MAST4: variants seen among roughly 807,000 people sequenced by gnomAD.
MAST4 encodes microtubule associated serine/threonine kinase family member 4.
Under a neutral mutation model 162.7 loss-of-function variants are expected in MAST4, and 89 were observed. The observed-to-expected ratio is 0.55, with a 90% CI of 0.46 to 0.65. The LOEUF (loss-of-function observed/expected upper bound fraction) is 0.65, where lower values mean the gene tolerates loss of function less well. MAST4 is among the 30% of genes least tolerant of loss of function. The pLI is 0.00. For missense variants in MAST4, 3,153 were observed against 3,374.0 expected (o/e 0.93, Z 1.62); for synonymous variants, 1,479 against 1,361.1 (o/e 1.09, Z -1.91).
chr5:66,630,676 T>A (rs1744738595), intron 1 of MAST4, among the ~76,000 whole-genome samples: 1 of 152,200 alleles, frequency 6.6e-6, no homozygotes, highest in Non-Finnish European at 1.5e-5. Context: ...ACAGTATGTA[T>A]AGTTAAACTT....
At chr5:67,075,081 C>G (rs1033876572) in intron 5 of MAST4, among the ~76,000 whole-genome samples, 17 of 151,534 alleles carry the variant, frequency 1.1e-4, no homozygotes, top group African/African-American at 3.9e-4. Context: ...GCATATGCTA[C>G]TATCTTTTAC....
chr5:67,047,918 G>A (rs1757576537), intron 4 of MAST4, among the ~76,000 whole-genome samples: 1 of 152,132 alleles, frequency 6.6e-6, no homozygotes, highest in Non-Finnish European at 1.5e-5. Context: ...CAGAAAAAGT[G>A]GTGGAGATGT....
At chr5:67,131,744 G>A in intron 15 of MAST4, 69 bp from the exon 16 acceptor site, 2 of 1,506,888 alleles carry the variant, frequency 1.3e-6, no homozygotes, top group Non-Finnish European at 1.8e-6. Context: ...TTGAAATTCT[G>A]CAGTCTAAAC....
intron 4 of MAST4, among the ~76,000 whole-genome samples, chr5:66,935,997 G>A (rs778641534): frequency 7.9e-5 from 12 of 152,022 alleles, no homozygotes; most frequent in Non-Finnish European, 1.3e-4. Context: ...GTCAGGTTGT[G>A]GTGTCTCCAT....
At chr5:66,682,864 C>A (rs1304176933) in intron 1 of MAST4, among the ~76,000 whole-genome samples, 1 of 152,224 alleles carries the variant, frequency 6.6e-6, no homozygotes, top group Non-Finnish European at 1.5e-5. Context: ...TGCCACTGCA[C>A]CCCGCTTCAT....
chr5:66,758,818 C>T (rs944078184), intron 1 of MAST4, among the ~76,000 whole-genome samples: 1 of 151,774 alleles, frequency 6.6e-6, no homozygotes, highest in Non-Finnish European at 1.5e-5. Flanking sequence ...TAAATTTCTA[C>T]AGAGTTAACC....
chr5:66,678,198 TA>T (rs2149481257), intron 1 of MAST4, among the ~76,000 whole-genome samples: 1 of 151,908 alleles, frequency 6.6e-6, no homozygotes, highest in Admixed American at 6.5e-5. Flanking sequence ...TCGTGGAATC[TA>T]AAAAAGTTGA....
intron 3 of MAST4, chr5:66,870,650 A>G: frequency 2.8e-6 from 1 of 363,378 alleles, no homozygotes; most frequent in Non-Finnish European, 5.6e-6. Context: ...ATTGATGTTT[A>G]GCTAAAACAA....
intron 3 of MAST4, among the ~76,000 whole-genome samples, chr5:66,803,634 A>T (rs1178432599): frequency 1.3e-5 from 2 of 152,054 alleles, no homozygotes; most frequent in Admixed American, 6.5e-5. Flanking sequence ...AAAAATAAAC[A>T]TTTCTAGCTG....
At chr5:66,848,339 C>T (rs1362906579) in intron 3 of MAST4, among the ~76,000 whole-genome samples, 1 of 152,060 alleles carries the variant, frequency 6.6e-6, no homozygotes, top group Non-Finnish European at 1.5e-5. Flanking sequence ...ATAAGGAATG[C>T]AAATTTATTT....
At chr5:67,151,772 T>TC (rs1771856192) in intron 24 of MAST4, among the ~76,000 whole-genome samples, 2 of 131,518 alleles carry the variant, frequency 1.5e-5, no homozygotes, top group Non-Finnish European at 3.1e-5. Flanking sequence ...TTTTTCTTTT[T>TC]TTTTTTTTTT....
At chr5:66,877,757 A>G (rs1761404254) in intron 3 of MAST4, among the ~76,000 whole-genome samples, 1 of 152,238 alleles carries the variant, frequency 6.6e-6, no homozygotes, top group Non-Finnish European at 1.5e-5. Context: ...AACAAGATCA[A>G]GCAACACAGA....
chr5:66,725,646 G>A (rs925104004), intron 1 of MAST4, among the ~76,000 whole-genome samples: 5 of 152,114 alleles, frequency 3.3e-5, no homozygotes, highest in African/African-American at 1.2e-4. Context: ...TAACATTTCT[G>A]ATATCTTTTG....
At chr5:66,694,701 G>T (rs768378062) in intron 1 of MAST4, among the ~76,000 whole-genome samples, 1 of 152,076 alleles carries the variant, frequency 6.6e-6, no homozygotes, top group Non-Finnish European at 1.5e-5. Context: ...TGGGCAGGCT[G>T]GTCTTGAACT....
intron 1 of MAST4, among the ~76,000 whole-genome samples, chr5:66,708,050 C>T (rs900551685): frequency 6.6e-6 from 1 of 152,168 alleles, no homozygotes; most frequent in Non-Finnish European, 1.5e-5. Context: ...CTGGTAGGTC[C>T]GTTTTAGAGA....
At chr5:67,068,437 T>A (rs1246999580) in intron 5 of MAST4, among the ~76,000 whole-genome samples, 1 of 152,062 alleles carries the variant, frequency 6.6e-6, no homozygotes, top group Non-Finnish European at 1.5e-5. Flanking sequence ...AAATGCCAGA[T>A]GATTATAAGG....
chr5:66,916,674 C>T (rs1481495068), intron 4 of MAST4, among the ~76,000 whole-genome samples: 1 of 152,120 alleles, frequency 6.6e-6, no homozygotes, highest in Non-Finnish European at 1.5e-5. Flanking sequence ...GGTACATTTG[C>T]ATACATTGAT....
chr5:66,894,842 C>T (rs1188715846), intron 3 of MAST4, among the ~76,000 whole-genome samples: 4 of 144,868 alleles, frequency 2.8e-5, no homozygotes, highest in Non-Finnish European at 6.1e-5. Flanking sequence ...TAGACTTGGC[C>T]CTACCTCCCA....
At chr5:66,948,165 A>C (rs190592017) in intron 4 of MAST4, among the ~76,000 whole-genome samples, 4 of 152,276 alleles carry the variant, frequency 2.6e-5, no homozygotes, top group African/African-American at 7.2e-5. Context: ...AAGTTGGCTG[A>C]GCAGTTAGAA....
Sources: gnomAD v4.1 joint callset for allele counts (sites outside exome capture counted in the v4.1 genomes callset) on GRCh38, gnomAD v4.1.1 for gene constraint, MANE v1.5 for transcripts, NCBI Gene and HGNC (gene_info 2026-07-23, HGNC 2026-07-21) for gene names.